The following MYO3A variants were observed in gnomAD, a reference collection of about 807,000 sequenced individuals.
The protein encoded by MYO3A is myosin-IIIa.
A neutral mutation model predicts 192.7 loss-of-function variants in MYO3A; 180 were observed. The ratio of observed to expected loss-of-function variants is 0.93; its 90% CI spans 0.83 to 1.06. MYO3A has a LOEUF of 1.06. Ranked by LOEUF, MYO3A falls within the 50% of genes least tolerant of loss-of-function variation. MYO3A has a pLI of 0.00. For synonymous variants in MYO3A, 628 were observed against 645.3 expected (o/e 0.97, Z 0.41); for missense variants, 1,896 against 1,905.0 (o/e 1.00, Z 0.09).
In MYO3A at chr10:26,203,522, C is replaced by T. The variant is rs561629364; in HGVS notation, c.4730+415C>T. 1.4e-4 allele frequency among the ~76,000 whole-genome samples: 22 copies of T among 152,132 alleles called. 1 individual carries two copies. Among genetic ancestry groups the T allele is most frequent in the Non-Finnish European group, 2.6e-4 (18 of 68,016 alleles). On this transcript the variant is annotated intron_variant, in intron 34 of 34. Coordinates refer to ENST00000642920, the MANE Select transcript of MYO3A (RefSeq NM_017433.5). ...GTTAATTTCTCAGAATCAATGATGT[C>T]AGACCCAAAAACATTTGAGAGAAAG... is the stretch of plus-strand genomic sequence containing the variant.
intron 17 of MYO3A, among the ~76,000 whole-genome samples, chr10:26,109,158 A>C (rs1838007715): frequency 3.9e-5 from 6 of 152,244 alleles, no homozygotes; most frequent in Admixed American, 3.3e-4. Context: ...AAAATGTAGA[A>C]TAATGATATG....
intron 6 of MYO3A, among the ~76,000 whole-genome samples, chr10:26,000,492 A>C (rs1840724616): frequency 6.6e-6 from 1 of 152,254 alleles, no homozygotes; most frequent in African/African-American, 2.4e-5. Flanking sequence ...GCATTCAAAA[A>C]TAGGAATTTA....
intron 4 of MYO3A, among the ~76,000 whole-genome samples, chr10:25,966,892 A>G (rs1383131612): frequency 1.3e-5 from 2 of 152,204 alleles, no homozygotes; most frequent in African/African-American, 4.8e-5. Flanking sequence ...TATTTTTAAA[A>G]ACACAACACT....
intron 11 of MYO3A, 93 bp from the exon 12 acceptor site, chr10:26,068,675 T>C: frequency 1.2e-6 from 1 of 817,974 alleles, no homozygotes; most frequent in Non-Finnish European, 2.0e-6. Flanking sequence ...TTCGTCCAGA[T>C]TCCAGATGTT....
chr10:26,124,995 C>T (rs1326229629), intron 18 of MYO3A, among the ~76,000 whole-genome samples: 1 of 152,130 alleles, frequency 6.6e-6, no homozygotes, highest in Non-Finnish European at 1.5e-5. Context: ...TAACCTGTTC[C>T]AGTTAATTTC....
At chr10:25,975,614 A>C (rs1338881549) in intron 4 of MYO3A, among the ~76,000 whole-genome samples, 3 of 152,214 alleles carry the variant, frequency 2.0e-5, no homozygotes, top group African/African-American at 7.2e-5. Context: ...AGACAAAGAC[A>C]TCATAAGAAA....
chr10:26,193,704 T>C (rs1292607010), intron 32 of MYO3A, among the ~76,000 whole-genome samples: 1 of 152,160 alleles, frequency 6.6e-6, no homozygotes, highest in Non-Finnish European at 1.5e-5. Flanking sequence ...AAACAGACGT[T>C]TATTAAGCAT....
At chr10:26,023,607 A>G (rs72789947) in intron 8 of MYO3A, 21,936 of 216,766 alleles carry the variant, frequency 0.1, 1,266 homozygotes, top group Non-Finnish European at 0.12. Flanking sequence ...ACTCCCTGGC[A>G]CACCTTCCTC....
chr10:26,149,032 G>T (rs1840634759), intron 23 of MYO3A, among the ~76,000 whole-genome samples: 1 of 152,016 alleles, frequency 6.6e-6, no homozygotes, highest in African/African-American at 2.4e-5. Context: ...CACAGGACAG[G>T]TTGCAAGAGT....
chr10:26,050,107 G>A (rs1480701458), intron 10 of MYO3A, among the ~76,000 whole-genome samples: 1 of 151,974 alleles, frequency 6.6e-6, no homozygotes, highest in Non-Finnish European at 1.5e-5. Flanking sequence ...TAATGAACAT[G>A]CATTACTTTT....
At chr10:26,075,725 TG>T (rs1360155617) in intron 14 of MYO3A, among the ~76,000 whole-genome samples, 17 of 146,856 alleles carry the variant, frequency 1.2e-4, no homozygotes, top group Admixed American at 6.9e-5. Context: ...CATATATATA[TG>T]ATATATATGT....
intron 4 of MYO3A, among the ~76,000 whole-genome samples, chr10:25,974,275 A>G (rs888527750): frequency 6.6e-6 from 1 of 152,186 alleles, no homozygotes; most frequent in African/African-American, 2.4e-5. Flanking sequence ...CTGCACATGT[A>G]TCCCGGAACT....
Position 26,211,832 on chromosome 10 carries a change from T to G in MYO3A, c.4731-11T>G. ...TGAGGTTGACACTTGGGCCCTGGGT[T>G]TCACTTGCAGGTGCTGGGCGGCGGA... On this transcript the variant is annotated splice_polypyrimidine_tract_variant and intron_variant, in intron 34 of 34. Transcript: ENST00000642920. 1 of 1,613,978 alleles carries G rather than the reference T, an allele frequency of 6.2e-7. No individual in the cohort carries two copies. The highest frequency in any genetic ancestry group is 8.5e-7 in the Non-Finnish European group (1 of 1,179,996).
intron 17 of MYO3A, among the ~76,000 whole-genome samples, chr10:26,101,558 T>C (rs1837454144): frequency 6.6e-6 from 1 of 152,220 alleles, no homozygotes; most frequent in South Asian, 2.1e-4. Context: ...CCACGTTTAG[T>C]GCTTCCTTCA....
intron 10 of MYO3A, among the ~76,000 whole-genome samples, chr10:26,052,942 T>C (rs1219269957): frequency 1.3e-5 from 2 of 152,212 alleles, no homozygotes; most frequent in African/African-American, 2.4e-5. Flanking sequence ...TCTGAAACTA[T>C]GTCTCTCCAG....
At chr10:26,146,314 A>G (rs573828264) in intron 22 of MYO3A, among the ~76,000 whole-genome samples, 1 of 152,360 alleles carries the variant, frequency 6.6e-6, no homozygotes, top group South Asian at 2.1e-4. Flanking sequence ...AAAATACATA[A>G]AAATAAAATT....
intron 31 of MYO3A, among the ~76,000 whole-genome samples, chr10:26,192,545 C>CCCCTGACCTTATCCATCCTCTGAACTG: frequency 6.6e-6 from 1 of 152,102 alleles, no homozygotes; most frequent in East Asian, 1.9e-4. Flanking sequence ...GCAGCTTTGA[C>CCCCTGACCTTATCCATCCTCTGAACTG]CCCTGACCTT....
At chr10:26,016,300 C>A (rs1841981450) in intron 6 of MYO3A, among the ~76,000 whole-genome samples, 1 of 152,088 alleles carries the variant, frequency 6.6e-6, no homozygotes, top group African/African-American at 2.4e-5. Context: ...TTTGAAACTT[C>A]CAGTCAGATA....
chr10:26,201,689 CAA>C (rs34428324), intron 33 of MYO3A, among the ~76,000 whole-genome samples: 15 of 81,658 alleles, frequency 1.8e-4, no homozygotes, highest in Non-Finnish European at 1.8e-4. Context: ...GACTCCGTCT[CAA>C]AAAAAAAAAA....
Sources: gnomAD v4.1 joint callset for allele counts (sites outside exome capture counted in the v4.1 genomes callset) on GRCh38, gnomAD v4.1.1 for gene constraint, MANE v1.5 for transcripts, NCBI Gene and HGNC (gene_info 2026-07-23, HGNC 2026-07-21) for gene names.